The following PDE1A variants were observed in gnomAD, a reference collection of about 807,000 sequenced individuals.
PDE1A encodes the protein dual specificity calcium/calmodulin-dependent 3',5'-cyclic nucleotide phosphodiesterase 1A.
In PDE1A, 35 loss-of-function variants were observed where a neutral mutation model predicts 61.7. That is an observed-to-expected ratio of 0.57 (90% confidence interval 0.43 to 0.75). The LOEUF is 0.75. PDE1A is among the 30% of genes least tolerant of loss of function. The pLI is 0.00. For synonymous variants in PDE1A, 232 were observed against 213.2 expected (o/e 1.09, Z -0.77); for missense variants, 597 against 630.6 (o/e 0.95, Z 0.57).
rs962878013 is a variant in PDE1A, at chr2:182,272,955, TA to T, written c.54-8542del. Among the ~76,000 whole-genome samples the T allele has an allele frequency of 1.1e-3, 175 of 152,226 alleles. 1 individual carries two copies. The highest frequency in any genetic ancestry group is 4.1e-3 in the African/African-American group (171 of 41,566). On this transcript the variant is annotated intron_variant, in intron 1 of 13. Coordinates refer to ENST00000351439, the Ensembl canonical transcript of PDE1A. ...AATTTTAAAACAAAATAAGGCACAATATCTCTTTTGAGAACATTAGAGTAAG... is the reference window on the plus strand; with the variant it reads ...AATTTTAAAACAAAATAAGGCACAATTCTCTTTTGAGAACATTAGAGTAAG...
At chr2:182,698,466 G>C in the PDE1A span, among the ~76,000 whole-genome samples, 22 of 152,238 alleles carry the variant, frequency 1.4e-4, no homozygotes, top group Middle Eastern at 3.4e-3. Flanking sequence ...TAACTAAAGA[G>C]TGGTTAAATA....
intron 1 of PDE1A, among the ~76,000 whole-genome samples, chr2:182,358,364 C>A (rs998095838): frequency 6.6e-6 from 1 of 152,128 alleles, no homozygotes; most frequent in Non-Finnish European, 1.5e-5. Context: ...CTTACATCTG[C>A]ATACTTTCTA....
At chr2:182,267,448 C>T (rs564957406) in intron 1 of PDE1A, among the ~76,000 whole-genome samples, 158 of 151,142 alleles carry the variant, frequency 1.0e-3, no homozygotes, top group African/African-American at 3.6e-3. Context: ...CACACACACA[C>T]ACACACACAC....
At chr2:182,633,488 T>A in the PDE1A span, among the ~76,000 whole-genome samples, 3 of 152,194 alleles carry the variant, frequency 2.0e-5, no homozygotes, top group East Asian at 5.8e-4. Flanking sequence ...TATCTGCACT[T>A]GGAATATTCT....
the PDE1A span, among the ~76,000 whole-genome samples, chr2:182,589,122 T>G: frequency 2.0e-5 from 3 of 148,736 alleles, no homozygotes; most frequent in African/African-American, 4.9e-5. Flanking sequence ...AATTATATTG[T>G]TTTTTTTAAC....
chr2:182,254,043 A>C (rs577085721), intron 2 of PDE1A, among the ~76,000 whole-genome samples: 4 of 152,330 alleles, frequency 2.6e-5, no homozygotes, highest in Non-Finnish European at 5.9e-5. Context: ...TTTAAAATGC[A>C]GCAAATATTC....
intron 1 of PDE1A, among the ~76,000 whole-genome samples, chr2:182,268,397 G>A (rs1030979579): frequency 6.6e-6 from 1 of 151,848 alleles, no homozygotes; most frequent in Non-Finnish European, 1.5e-5. Flanking sequence ...ACATATATAA[G>A]AATACATATG....
At chr2:182,652,793 C>T in the PDE1A span, among the ~76,000 whole-genome samples, 8 of 152,308 alleles carry the variant, frequency 5.3e-5, no homozygotes, top group Non-Finnish European at 8.8e-5. Context: ...TTCTCTATTA[C>T]ACTTTGTAAT....
the PDE1A span, among the ~76,000 whole-genome samples, chr2:182,700,492 G>A: frequency 2.6e-5 from 4 of 152,030 alleles, no homozygotes; most frequent in Non-Finnish European, 1.5e-5. Flanking sequence ...GGGAGGCTGA[G>A]GCGGGTGGCT....
intron 3 of PDE1A, among the ~76,000 whole-genome samples, chr2:182,236,328 C>A (rs1297815901): frequency 6.7e-6 from 1 of 150,088 alleles, no homozygotes; most frequent in African/African-American, 2.4e-5. Flanking sequence ...TAATTACTAT[C>A]AACAGTGATA....
chr2:182,531,378 T>A, the PDE1A span, among the ~76,000 whole-genome samples: 1 of 145,416 alleles, frequency 6.9e-6, no homozygotes, highest in Non-Finnish European at 1.5e-5. Context: ...AAAAAGGTAG[T>A]AAAAAAAAAA....
At chr2:182,357,920 T>C (rs1218404327) in intron 1 of PDE1A, among the ~76,000 whole-genome samples, 1 of 152,204 alleles carries the variant, frequency 6.6e-6, no homozygotes, top group Non-Finnish European at 1.5e-5. Flanking sequence ...ATAAGCAGTT[T>C]GTCCCAAGCT....
chr2:182,198,029 C>A (rs1686280143), intron 10 of PDE1A, among the ~76,000 whole-genome samples: 1 of 151,814 alleles, frequency 6.6e-6, no homozygotes, highest in South Asian at 2.1e-4. Flanking sequence ...GTCTTTCAGT[C>A]ATTAACATAT....
intron 2 of PDE1A, among the ~76,000 whole-genome samples, chr2:182,512,236 C>T (rs1230095429): frequency 6.6e-6 from 1 of 152,204 alleles, no homozygotes; most frequent in Non-Finnish European, 1.5e-5. Flanking sequence ...AACACCTCAG[C>T]CCCTCCAGTG....
At chr2:182,654,571 A>G in the PDE1A span, among the ~76,000 whole-genome samples, 10 of 152,130 alleles carry the variant, frequency 6.6e-5, no homozygotes, top group African/African-American at 1.4e-4. Context: ...CAGATAATTT[A>G]TCCAAAGCCC....
chr2:182,586,580 T>C, the PDE1A span, among the ~76,000 whole-genome samples: 1 of 152,334 alleles, frequency 6.6e-6, no homozygotes, highest in Middle Eastern at 3.4e-3. Flanking sequence ...ATCTCAGCAT[T>C]ATTGACACTT....
the PDE1A span, among the ~76,000 whole-genome samples, chr2:182,632,962 C>G: frequency 1.3e-5 from 2 of 152,160 alleles, no homozygotes; most frequent in African/African-American, 4.8e-5. Flanking sequence ...ATGGTAAACT[C>G]AAAGCACCTA....
At chr2:182,453,498 C>T (rs971894312) in intron 2 of PDE1A, among the ~76,000 whole-genome samples, 3 of 151,758 alleles carry the variant, frequency 2.0e-5, no homozygotes, top group Non-Finnish European at 4.4e-5. Flanking sequence ...CCTTGATGAA[C>T]ATTGATGCAA....
intron 13 of PDE1A, among the ~76,000 whole-genome samples, chr2:182,176,623 G>A (rs1484093669): frequency 6.8e-5 from 10 of 147,170 alleles, no homozygotes; most frequent in East Asian, 2.0e-4. Context: ...CAATCATGTC[G>A]TCTGCAAACA....
Sources: gnomAD v4.1 joint callset for allele counts (sites outside exome capture counted in the v4.1 genomes callset) on GRCh38, gnomAD v4.1.1 for gene constraint, MANE v1.5 for transcripts, NCBI Gene and HGNC (gene_info 2026-07-23, HGNC 2026-07-21) for gene names.